Variants in PCDH11Y observed in about 807,000 individuals in gnomAD.
PCDH11Y encodes the protein protocadherin-11 Y-linked.
For missense variants in PCDH11Y, 12 were observed against 224.8 expected, an observed-to-expected ratio of 0.05 and a Z score of 6.05; for synonymous variants, 9 against 83.6, an observed-to-expected ratio of 0.11 and a Z score of 4.87.
intron 2 of PCDH11Y, among the ~76,000 whole-genome samples, chrY:5,315,628 A>G: frequency 5.9e-5 from 2 of 33,906 alleles, no homozygotes; most frequent in African/African-American, 2.3e-4. Flanking sequence ...CTTTTGTAAT[A>G]CATAATTCAT....
chrY:5,107,939 G>A (rs1602868580), downstream of PCDH11Y, among the ~76,000 whole-genome samples: 1 of 31,097 alleles, frequency 3.2e-5, no homozygotes, highest in Non-Finnish European at 7.8e-5. Flanking sequence ...GGCGCCTGTA[G>A]TCCCAGCTAC....
intron 2 of PCDH11Y, among the ~76,000 whole-genome samples, chrY:5,480,752 G>C: frequency 2.9e-5 from 1 of 34,102 alleles, no homozygotes; most frequent in African/African-American, 1.1e-4. Flanking sequence ...GCCCTGCCCA[G>C]TGATGAGGAA....
chrY:5,244,506 GC>G (rs2052993373), intron 2 of PCDH11Y, among the ~76,000 whole-genome samples: 1 of 33,435 alleles, frequency 3.0e-5, no homozygotes, highest in Non-Finnish European at 7.4e-5. Context: ...TGGTTTGACG[GC>G]CCACCCAAGA....
chrY:5,740,646 TC>T (rs2053616484), exon 5 of PCDH11Y: 1 of 33,362 alleles, frequency 3.0e-5, no homozygotes, highest in Non-Finnish European at 7.4e-5. Context: ...TCTGATGATA[TC>T]TTTTTCATCA....
At chrY:5,707,524 G>A in intron 4 of PCDH11Y, among the ~76,000 whole-genome samples, 1 of 27,083 alleles carries the variant, frequency 3.7e-5, no homozygotes, top group African/African-American at 1.4e-4. Context: ...ATAATTAAAA[G>A]GAATCAAGCA....
At chrY:5,421,921 C>T in intron 2 of PCDH11Y, among the ~76,000 whole-genome samples, 1 of 31,486 alleles carries the variant, frequency 3.2e-5, no homozygotes, top group Non-Finnish European at 7.7e-5. Flanking sequence ...TGCATTATCG[C>T]CTGATTTTGT....
chrY:5,322,632 C>G, intron 2 of PCDH11Y, among the ~76,000 whole-genome samples: 2 of 32,250 alleles, frequency 6.2e-5, no homozygotes, highest in African/African-American at 2.4e-4. Flanking sequence ...TGTATGTATT[C>G]AAATAATGAA....
At chrY:5,176,556 G>A (rs1363804959) in intron 2 of PCDH11Y, among the ~76,000 whole-genome samples, 12 of 33,340 alleles carry the variant, frequency 3.6e-4, no homozygotes, top group African/African-American at 1.2e-4. Context: ...GCCTGCTGAA[G>A]TTGTAGAGTA....
At chrY:5,226,476 G>C (rs2052960985) in intron 2 of PCDH11Y, among the ~76,000 whole-genome samples, 7 of 24,565 alleles carry the variant, frequency 2.8e-4, no homozygotes, top group African/African-American at 1.1e-3. Flanking sequence ...TTTTTTCTTT[G>C]GTTGCCTGCT....
At chrY:5,196,042 G>A (rs2124649039) in intron 2 of PCDH11Y, among the ~76,000 whole-genome samples, 21 of 31,857 alleles carry the variant, frequency 6.6e-4, no homozygotes, top group African/African-American at 2.6e-3. Flanking sequence ...TAAGGTGGCT[G>A]AATTTCTGAT....
chrY:5,498,342 A>G (rs2053348159), intron 2 of PCDH11Y, among the ~76,000 whole-genome samples: 1 of 34,312 alleles, frequency 2.9e-5, no homozygotes, highest in African/African-American at 1.1e-4. Context: ...AGCAAGACAG[A>G]GTTGGCTAGG....
chrY:5,684,406 G>T, intron 4 of PCDH11Y, among the ~76,000 whole-genome samples: 1 of 31,765 alleles, frequency 3.1e-5, no homozygotes, highest in African/African-American at 1.2e-4. Flanking sequence ...TGCTTTGGAG[G>T]TTCCTCAAAA....
intron 3 of PCDH11Y, among the ~76,000 whole-genome samples, chrY:5,561,854 ATG>A (rs2053429068): frequency 6.7e-5 from 2 of 29,636 alleles, no homozygotes; most frequent in Non-Finnish European, 1.6e-4. Context: ...CACCAAGAAT[ATG>A]TGTGTGTGGT....
intron 2 of PCDH11Y, among the ~76,000 whole-genome samples, chrY:5,296,371 G>A (rs2053074453): frequency 3.0e-5 from 1 of 33,192 alleles, no homozygotes; most frequent in Non-Finnish European, 7.4e-5. Flanking sequence ...TTCCTGTGCT[G>A]AGCTGTCTGC....
intron 2 of PCDH11Y, among the ~76,000 whole-genome samples, chrY:5,342,155 G>T: frequency 9.2e-5 from 3 of 32,439 alleles, no homozygotes; most frequent in Non-Finnish European, 1.5e-4. Flanking sequence ...TAATCTAGAG[G>T]TTTATTTCTG....
chrY:5,022,327 A>T, intron 1 of PCDH11Y, among the ~76,000 whole-genome samples: 1 of 30,895 alleles, frequency 3.2e-5, no homozygotes, highest in South Asian at 7.6e-4. Context: ...GCTGTTTTTT[A>T]AAAAAAGGTT....
At chrY:5,392,059 C>T (rs2053221774) in intron 2 of PCDH11Y, among the ~76,000 whole-genome samples, 1 of 32,801 alleles carries the variant, frequency 3.0e-5, no homozygotes, top group African/African-American at 1.2e-4. Flanking sequence ...AGTTATATTG[C>T]TGACAGCGAA....
At chrY:5,481,124 C>T (rs1602931820) in intron 2 of PCDH11Y, among the ~76,000 whole-genome samples, 2 of 32,611 alleles carry the variant, frequency 6.1e-5, no homozygotes, top group South Asian at 1.4e-3. Context: ...TAGGTCGGTG[C>T]CTGCCCAAAC....
chrY:5,319,963 T>A lies in PCDH11Y; in HGVS notation c.3130-181094T>A. On this transcript the variant is annotated intron_variant, in intron 2 of 4. Coordinates refer to the PCDH11Y transcript ENST00000400457. ...TTCTAGTTTGTTGTTTAGAGGTAGGTACCCCTGAATAAGATATATCTTTTA... is the reference window on the plus strand; with the variant it reads ...TTCTAGTTTGTTGTTTAGAGGTAGGAACCCCTGAATAAGATATATCTTTTA... Among the ~76,000 whole-genome samples, 3 of 33,117 alleles carry A rather than the reference T, an allele frequency of 9.1e-5. No homozygotes were observed. In the South Asian group the frequency reaches 2.0e-3, roughly 22 times the overall value. The allele number at this position is 33,117 out of a possible 37,273, so 88.8% of individuals were successfully genotyped here. A position where few individuals can be genotyped will look rare whatever the true frequency, so the allele number is the denominator to read the frequency against.
Sources: allele counts gnomAD v4.1 joint callset (sites outside exome capture counted in the v4.1 genomes callset), GRCh38; gene constraint gnomAD v4.1.1; transcripts MANE v1.5; gene names NCBI Gene and HGNC (gene_info 2026-07-23, HGNC 2026-07-21).